Variants in ENAH observed in about 807,000 individuals in gnomAD.
The protein encoded by ENAH is protein enabled homolog.
In ENAH, 23 loss-of-function variants were observed where a neutral mutation model predicts 78.7. That is an observed-to-expected ratio of 0.29 (90% CI 0.21 to 0.41). The LOEUF is 0.41. Among genes scored for constraint, ENAH ranks in the 10% least tolerant of loss-of-function variants. ENAH has a pLI of 1.00. For missense variants in ENAH, 544 were observed against 691.0 expected, an observed-to-expected ratio of 0.79 and a Z score of 2.39; for synonymous variants, 226 against 241.0, an observed-to-expected ratio of 0.94 and a Z score of 0.58.
chr1:225,644,649 C>T (rs1203624338), intron 1 of ENAH, among the ~76,000 whole-genome samples: 1 of 152,054 alleles, frequency 6.6e-6, no homozygotes, highest in African/African-American at 2.4e-5. Flanking sequence ...AAAGCTCCCC[C>T]GCTGCCAAGT....
chr1:225,591,988 C>T (rs2096879446), intron 1 of ENAH, among the ~76,000 whole-genome samples: 1 of 152,094 alleles, frequency 6.6e-6, no homozygotes, highest in Admixed American at 6.6e-5. Context: ...CTCATTAAGC[C>T]TCTGTTCCCT....
chr1:225,509,544 G>T (rs1291680216), intron 10 of ENAH, among the ~76,000 whole-genome samples: 2 of 152,148 alleles, frequency 1.3e-5, no homozygotes, highest in Non-Finnish European at 2.9e-5. Context: ...TCCCTTCAGA[G>T]GATCTTTACT....
Position 225,597,037 on chromosome 1 carries a change from C to T in ENAH, c.6-29623G>A, listed in dbSNP as rs184731502. Reference sequence around the variant, plus strand: ...TCTAAATCCCCTTCCCACCTCTCCCCTTCTTTTGCCCATACTTTTTAAAAA... The same window carrying T: ...TCTAAATCCCCTTCCCACCTCTCCCTTTCTTTTGCCCATACTTTTTAAAAA... On this transcript the variant is annotated intron_variant, in intron 1 of 13. Coordinates refer to ENST00000366843, the MANE Select transcript of ENAH (RefSeq NM_018212.6). Among the ~76,000 whole-genome samples, 116 of 152,278 alleles carry T rather than the reference C, an allele frequency of 7.6e-4. No homozygotes were observed. The East Asian group carries it at 7.7e-3, about 10-fold the overall frequency.
rs191575500 is a variant in ENAH, at chr1:225,533,014, G to A, written c.350-2376C>T. On this transcript the variant is annotated intron_variant, in intron 3 of 13. Transcript: ENST00000366843. ...TTAAATTGGGTGTGTGTGTGTGTCC[G>A]TGCATGGAATCACTCCCTTTGGCAC... Among the ~76,000 whole-genome samples, 8 of 151,898 alleles carry A rather than the reference G, an allele frequency of 5.3e-5. No individual in the cohort carries two copies. In the East Asian group the frequency reaches 9.7e-4, roughly 18 times the overall value.
rs1391533493 is a variant in ENAH, at chr1:225,495,998, A to G, written c.*1777T>C. 2 of 152,644 alleles carry G rather than the reference A, an allele frequency of 1.3e-5. No homozygotes were observed. The highest frequency in any genetic ancestry group is 2.9e-5 in the Non-Finnish European group (2 of 68,026). 9.5% of individuals were successfully genotyped at this position (152,644 alleles called of 1,614,324 possible). ...GCAAATTTGCAGCGTTTAGAAAACT[A>G]CACTATCAACAAGCTTTGCTTTATG... is the stretch of plus-strand genomic sequence containing the variant. On this transcript the variant is annotated 3_prime_UTR_variant, in exon 14 of 14. Transcript: ENST00000366843.
At chr1:225,641,464 A>G (rs1360933719) in intron 1 of ENAH, among the ~76,000 whole-genome samples, 1 of 139,224 alleles carries the variant, frequency 7.2e-6, no homozygotes, top group African/African-American at 2.7e-5. Flanking sequence ...GCAAGACTCC[A>G]TCTCTAAAAA....
rs1487527922 is a variant in ENAH at position 225,487,445 on chromosome 1, A to T, written c.*10330T>A. ...TTCAGATTTTCAAACAACTTGAGTC[A>T]AGCAAGCAGGAGCTTATAGTATGTT... On this transcript the variant is annotated 3_prime_UTR_variant, in exon 14 of 14. Coordinates refer to ENST00000366843, the MANE Select transcript of ENAH (RefSeq NM_018212.6). The T allele has an allele frequency of 6.6e-6, 1 of 152,206 alleles. No individual in the cohort carries two copies. Among genetic ancestry groups the T allele is most frequent in the East Asian group, 1.9e-4 (1 of 5,194 alleles). The allele number at this position is 152,206 out of a possible 1,614,324, so 9.4% of individuals were successfully genotyped here.
chr1:225,541,037 T>C (rs538382043), intron 3 of ENAH, among the ~76,000 whole-genome samples: 7 of 152,206 alleles, frequency 4.6e-5, no homozygotes, highest in East Asian at 3.8e-4. Flanking sequence ...TCTTCAGTGA[T>C]AGAAATTATG....
At chr1:225,548,411 T>TTGAGTAG (rs750957851) in intron 3 of ENAH, among the ~76,000 whole-genome samples, 5 of 152,202 alleles carry the variant, frequency 3.3e-5, no homozygotes, top group Non-Finnish European at 5.9e-5. Flanking sequence ...TTCTTTCTAC[T>TTGAGTAG]AAATCACAAT....
At chr1:225,544,293 C>T (rs1461661654) in intron 3 of ENAH, among the ~76,000 whole-genome samples, 3 of 152,194 alleles carry the variant, frequency 2.0e-5, no homozygotes, top group Admixed American at 2.0e-4. Flanking sequence ...ATGCAAATTA[C>T]TATCCTCATG....
intron 3 of ENAH, among the ~76,000 whole-genome samples, chr1:225,548,160 G>A (rs2096623911): frequency 6.7e-6 from 1 of 149,684 alleles, no homozygotes; most frequent in African/African-American, 2.4e-5. Context: ...AAATTTGAAA[G>A]CCTACTTTTT....
At position 225,488,100 on chromosome 1, in the gene ENAH, T is replaced by C. The variant is rs1191283520; in HGVS notation, c.*9675A>G. The C allele has an allele frequency of 6.6e-6, 1 of 152,248 alleles. No individual in the cohort carries two copies. Among genetic ancestry groups the C allele is most frequent in the Non-Finnish European group, 1.5e-5 (1 of 68,056 alleles). The allele number at this position is 152,248 out of a possible 1,614,324, so 9.4% of individuals were successfully genotyped here. ...CCGCCATTCATGCACATGCTTATTC[T>C]GACCCCAACCCCATCCCTACAAAGG... On this transcript the variant is annotated 3_prime_UTR_variant, in exon 14 of 14. Transcript: ENST00000366843.
At chr1:225,508,110 G>T in intron 10 of ENAH, 93 bp from the exon 11 acceptor site, 1 of 675,962 alleles carries the variant, frequency 1.5e-6, no homozygotes, top group Non-Finnish European at 2.3e-6. Flanking sequence ...CATTATACCT[G>T]TTTACATAGT....
intron 9 of ENAH, 22 bp from the exon 10 acceptor site, chr1:225,511,881 A>T: frequency 6.6e-7 from 1 of 1,517,886 alleles, no homozygotes. Context: ...GATATATATT[A>T]ATATCACATC....
chr1:225,598,851 C>CA (rs547584715), intron 1 of ENAH, among the ~76,000 whole-genome samples: 18,105 of 139,102 alleles, frequency 0.13, 1,831 homozygotes, highest in African/African-American at 0.29. Flanking sequence ...TTGATTCAGG[C>CA]AAAAAAAAAA....
At chr1:225,549,437 T>C (rs1224296370) in intron 3 of ENAH, among the ~76,000 whole-genome samples, 1 of 152,164 alleles carries the variant, frequency 6.6e-6, no homozygotes, top group Non-Finnish European at 1.5e-5. Context: ...GTCATCATTT[T>C]AAAACACTGT....
intron 1 of ENAH, among the ~76,000 whole-genome samples, chr1:225,574,007 G>A (rs191457774): frequency 9.2e-5 from 14 of 152,168 alleles, no homozygotes; most frequent in Middle Eastern, 3.4e-3. Context: ...TAAAGAAAGA[G>A]AATTAGCATC....
chr1:225,491,117 T>C lies in ENAH; in HGVS notation c.*6658A>G, dbSNP rs2096220021. Reference sequence around the variant, plus strand: ...ACTGGTAGTAATAATGAAAAGCTGGTATTTCTCACATAAAACACGTTGAAA... The same window carrying C: ...ACTGGTAGTAATAATGAAAAGCTGGCATTTCTCACATAAAACACGTTGAAA... On this transcript the variant is annotated 3_prime_UTR_variant, in exon 14 of 14. Coordinates refer to ENST00000366843, the MANE Select transcript of ENAH (RefSeq NM_018212.6). 1 of 152,204 alleles carries C rather than the reference T, an allele frequency of 6.6e-6. No homozygotes were observed. The highest frequency in any genetic ancestry group is 1.5e-5 in the Non-Finnish European group (1 of 68,044). The allele number at this position is 152,204 out of a possible 1,614,324, so 9.4% of individuals were successfully genotyped here.
chr1:225,567,238 T>C lies in ENAH; in HGVS notation c.171+11A>G. The C allele has an allele frequency of 1.2e-6, 2 of 1,610,446 alleles. No homozygotes were observed. The highest frequency in any genetic ancestry group is 8.5e-7 in the Non-Finnish European group (1 of 1,178,912). ...AAATCATTTTTAACAACAATTGTAGTAAAGCCTTACCTGATGGTCCTGAAT... is the reference window on the plus strand; with the variant it reads ...AAATCATTTTTAACAACAATTGTAGCAAAGCCTTACCTGATGGTCCTGAAT... On this transcript the variant is annotated intron_variant, in intron 2 of 13. Coordinates refer to ENST00000366843, the MANE Select transcript of ENAH (RefSeq NM_018212.6).
Sources: allele counts gnomAD v4.1 joint callset (sites outside exome capture counted in the v4.1 genomes callset), GRCh38; gene constraint gnomAD v4.1.1; transcripts MANE v1.5; gene names NCBI Gene and HGNC (gene_info 2026-07-23, HGNC 2026-07-21).